Variants in ALDOB observed in about 807,000 individuals in gnomAD.
ALDOB encodes aldolase, fructose-bisphosphate B, also known as fructose-bisphosphate aldolase B.
A neutral mutation model predicts 41.0 loss-of-function variants in ALDOB; 39 were observed. That is an observed-to-expected ratio of 0.95 (90% confidence interval 0.74 to 1.24). The LOEUF is 1.24. Among genes scored for constraint, ALDOB ranks in the 50% most tolerant of loss-of-function variants. The probability of loss-of-function intolerance (pLI) is 0.00; values close to 1 mark genes in which losing one functional copy is unlikely to be tolerated. For synonymous variants in ALDOB, 175 were observed against 168.8 expected (o/e 1.04, Z -0.28); for missense variants, 530 against 457.3 (o/e 1.16, Z -1.45).
At chr9:101,428,600 C>A in intron 3 of ALDOB, 77 bp from the exon 4 acceptor site, 1 of 1,216,366 alleles carries the variant, frequency 8.2e-7, no homozygotes, top group Middle Eastern at 1.9e-4. Flanking sequence ...TAACAGTTTG[C>A]ATCTTTTACA....
chr9:101,425,380 AC>A (rs1831110396), intron 7 of ALDOB, 72 bp downstream of exon 7: 16 of 1,557,338 alleles, frequency 1.0e-5, no homozygotes, highest in Non-Finnish European at 1.3e-5. Flanking sequence ...AGATTTCTGG[AC>A]AAACAGAAAG....
intron 6 of ALDOB, 86 bp downstream of exon 6, chr9:101,426,469 T>C (rs999958387): frequency 1.2e-6 from 1 of 858,596 alleles, no homozygotes; most frequent in South Asian, 1.3e-5. Context: ...ACTTCAGATA[T>C]AACAGCTGTT....
rs1288746253 is a variant in ALDOB, at chr9:101,420,607, T to G, written c.*1202A>C. The G allele has an allele frequency of 2.6e-5, 4 of 152,190 alleles. No homozygotes were observed. The highest frequency in any genetic ancestry group is 2.4e-5 in the African/African-American group (1 of 41,458). The allele number at this position is 152,190 out of a possible 1,614,324, so 9.4% of individuals were successfully genotyped here. On this transcript the variant is annotated 3_prime_UTR_variant, in exon 9 of 9. Transcript: ENST00000647789. The stretch of plus-strand genomic sequence containing the variant: ...ATATTTTAATTTTAGATATATATTT[T>G]TATGATTTACATCCATTTCTTTTAT...
Position 101,429,809 on chromosome 9 carries a change from C to T in ALDOB, c.270G>A (p.Gln90=), listed in dbSNP as rs1176960115. 5.6e-6 allele frequency: 9 copies of T among 1,614,034 alleles called. No individual in the cohort carries two copies. Among genetic ancestry groups the T allele is most frequent in the Non-Finnish European group, 1.7e-6 (2 of 1,180,036 alleles). Reference sequence around the variant, plus strand: ...TGAGGATGTTTCTGAACAGCTTTCCCTGGCTGTCCTTCTGGTAGAGGGTCT... The same window carrying T: ...TGAGGATGTTTCTGAACAGCTTTCCTTGGCTGTCCTTCTGGTAGAGGGTCT... ...FHETLYQKDS[Q]GKLFRNILKE... Residue 90 remains glutamine, a synonymous_variant, in exon 3 of 9, where the codon CAG becomes CAA. Coordinates refer to ENST00000647789, the MANE Select transcript of ALDOB (RefSeq NM_000035.4).
chr9:101,427,690 A>T, intron 4 of ALDOB, 48 bp from the exon 5 acceptor site: 1 of 1,609,552 alleles, frequency 6.2e-7, no homozygotes, highest in Middle Eastern at 1.7e-4. Context: ...TTTGTACCTG[A>T]TCCATGGGGC....
chr9:101,429,650 G>T, intron 3 of ALDOB, 105 bp downstream of exon 3: 1 of 1,102,268 alleles, frequency 9.1e-7, no homozygotes, highest in Non-Finnish European at 1.4e-6. Context: ...GGTGAGAAGA[G>T]AAATTTGATG....
At chr9:101,426,461 T>C (rs902970872) in intron 6 of ALDOB, 94 bp downstream of exon 6, 13 of 831,852 alleles carry the variant, frequency 1.6e-5, no homozygotes, top group Non-Finnish European at 2.7e-5. Flanking sequence ...TAAAGGCTAC[T>C]TCAGATATAA....
chr9:101,435,445 A>G (rs1452255375), intron 1 of ALDOB, among the ~76,000 whole-genome samples: 3 of 152,238 alleles, frequency 2.0e-5, no homozygotes. Context: ...CAAGGGCCTC[A>G]TTCAGGTAAC....
At chr9:101,426,077 T>A (rs1007818362) in intron 6 of ALDOB, among the ~76,000 whole-genome samples, 1 of 152,136 alleles carries the variant, frequency 6.6e-6, no homozygotes, top group Non-Finnish European at 1.5e-5. Context: ...TCAGTCCACA[T>A]AATTTTCCAA....
Position 101,429,852 on chromosome 9 carries a change from C to T in ALDOB, c.227G>A (p.Gly76Asp), listed in dbSNP as rs764779161. 2 of 1,613,976 alleles carry T rather than the reference C, an allele frequency of 1.2e-6. No individual in the cohort carries two copies. Among genetic ancestry groups the T allele is most frequent in the African/African-American group, 2.7e-5 (2 of 74,888 alleles). Reference sequence around the variant, plus strand: ...GAGGGTCTCGTGGAAAAGGATCACACCCCCGATGCTCTGGTTGATGGAACT... The same window carrying T: ...GAGGGTCTCGTGGAAAAGGATCACATCCCCGATGCTCTGGTTGATGGAACT... Reference protein sequence around the residue: ...VDSSINQSIGGVILFHETLYQ... With the variant: ...VDSSINQSIGDVILFHETLYQ... The change falls in exon 3 of 9, where the codon GGT becomes GAT. Residue 76 changes from glycine (G) to aspartate (D), a missense_variant. Physicochemically the swap from Gly to Asp is moderately conservative, Grantham distance 94. Coordinates refer to ENST00000647789, the MANE Select transcript of ALDOB (RefSeq NM_000035.4).
intron 1 of ALDOB, among the ~76,000 whole-genome samples, chr9:101,432,500 A>T (rs775959653): frequency 3.0e-4 from 45 of 152,200 alleles, no homozygotes; most frequent in Non-Finnish European, 3.8e-4. Context: ...CAGTTTAGGC[A>T]TTTGTACAAA....
intron 3 of ALDOB, 115 bp from the exon 4 acceptor site, chr9:101,428,638 A>G (rs1390176464): frequency 2.1e-6 from 2 of 934,412 alleles, no homozygotes; most frequent in African/African-American, 1.6e-5. Flanking sequence ...AGTAAAGTGT[A>G]TTAGTGCGAG....
At chr9:101,426,000 T>C (rs1831124388) in intron 6 of ALDOB, among the ~76,000 whole-genome samples, 1 of 152,174 alleles carries the variant, frequency 6.6e-6, no homozygotes, top group Non-Finnish European at 1.5e-5. Flanking sequence ...CCACTGTCCA[T>C]GTTTACAGAA....
At position 101,430,836 on chromosome 9, in the gene ALDOB, C is replaced by A; in HGVS notation, c.52G>T (p.Glu18Ter). 6 of 1,614,238 alleles carry A rather than the reference C, an allele frequency of 3.7e-6. No individual in the cohort carries two copies. The highest frequency in any genetic ancestry group is 5.1e-6 in the Non-Finnish European group (6 of 1,180,042). Reference protein sequence around the residue: ...LTQEQKKELSEIAQSIVANGK... With the variant: ...LTQEQKKELS ...TTGGCAACAATGCTCTGGGCAATTTCTGAGAGCTCCTTCTTCTGCTCCTGG... is the reference window on the plus strand; with the variant it reads ...TTGGCAACAATGCTCTGGGCAATTTATGAGAGCTCCTTCTTCTGCTCCTGG... Residue 18 changes from glutamate (E) to a stop codon, truncating the protein, a stop_gained, in exon 2 of 9, where the codon GAA becomes TAA. Coordinates refer to ENST00000647789, the MANE Select transcript of ALDOB (RefSeq NM_000035.4). LOFTEE classifies it high-confidence loss of function.
intron 8 of ALDOB, 136 bp from the exon 9 acceptor site, chr9:101,422,040 C>T: frequency 2.7e-6 from 2 of 740,200 alleles, no homozygotes; most frequent in Non-Finnish European, 4.8e-6. Context: ...CTGAATATTG[C>T]TGGGGATACC....
rs747709582 is a variant in ALDOB, at chr9:101,424,897, A to G, written c.945T>C (p.Gly315=). The change falls in exon 8 of 9, where the codon GGT becomes GGC. Residue 315 remains glycine, a synonymous_variant. Transcript: ENST00000647789. ...ALQASALAAW[G]GKAANKEATQ... ...TTGCCTCCTTGTTTGCAGCCTTGCC[A>G]CCCCAGGCAGCCAGTGCACTGGCCT... 1 of 1,613,974 alleles carries G rather than the reference A, an allele frequency of 6.2e-7. No individual in the cohort carries two copies. Among genetic ancestry groups the G allele is most frequent in the Non-Finnish European group, 8.5e-7 (1 of 1,180,022 alleles).
chr9:101,429,948 A>G lies in ALDOB; in HGVS notation c.131T>C (p.Leu44Pro). 6.2e-7 allele frequency: 1 copy of G among 1,614,146 alleles called. No homozygotes were observed. Among genetic ancestry groups the G allele is most frequent in the Non-Finnish European group, 8.5e-7 (1 of 1,180,020 alleles). Residue 44 changes from leucine (L) to proline (P), a missense_variant, in exon 3 of 9, where the codon CTG (leucine) becomes CCG (proline). Leu to Pro is a moderately conservative substitution (Grantham distance 98). Coordinates refer to ENST00000647789, the MANE Select transcript of ALDOB (RefSeq NM_000035.4). ...DESVGTMGNR[L>P]QRIKVENTEE... ...AGTGTTTTCCACCTTGATCCTCTGC[A>G]GGCGGTTCCCCATGGTACCTATGGT...
chr9:101,424,367 C>T (rs778249392), intron 8 of ALDOB, among the ~76,000 whole-genome samples: 5 of 152,184 alleles, frequency 3.3e-5, no homozygotes, highest in East Asian at 1.9e-4. Context: ...TGCAGTGAGC[C>T]GAGATTGTGC....
intron 2 of ALDOB, among the ~76,000 whole-genome samples, chr9:101,430,294 G>T (rs990124409): frequency 6.6e-6 from 1 of 152,102 alleles, no homozygotes; most frequent in African/African-American, 2.4e-5. Flanking sequence ...AAGGAGGGAT[G>T]GGGCATGCTC....
Sources: allele counts gnomAD v4.1 joint callset (sites outside exome capture counted in the v4.1 genomes callset), GRCh38; gene constraint gnomAD v4.1.1; transcripts MANE v1.5; gene names NCBI Gene and HGNC (gene_info 2026-07-23, HGNC 2026-07-21).